The following KSR2 variants were observed in gnomAD, a reference collection of about 807,000 sequenced individuals.
KSR2 encodes kinase suppressor of ras 2.
In KSR2, 25 loss-of-function variants were observed where a neutral mutation model predicts 107.8. The observed-to-expected ratio is 0.23, with a 90% confidence interval of 0.17 to 0.32. KSR2 has a LOEUF of 0.32. KSR2 is among the 10% of genes least tolerant of loss of function. The pLI, the probability that KSR2 is intolerant of heterozygous loss-of-function variation, is 1.00. For missense variants in KSR2, 887 were observed against 1,268.9 expected (o/e 0.70, Z 4.57); for synonymous variants, 480 against 507.0 (o/e 0.95, Z 0.71).
At chr12:117,836,809 A>G (rs756488200) in intron 3 of KSR2, among the ~76,000 whole-genome samples, 7 of 152,196 alleles carry the variant, frequency 4.6e-5, no homozygotes, top group Admixed American at 1.3e-4. Context: ...TTCTCATCGT[A>G]GCCATTCTTT....
chr12:117,730,813 A>T (rs1246767364), intron 4 of KSR2, among the ~76,000 whole-genome samples: 1 of 152,106 alleles, frequency 6.6e-6, no homozygotes, highest in Non-Finnish European at 1.5e-5. Flanking sequence ...CTCAGTGCTC[A>T]ATGTTGCCCA....
chr12:117,718,658 T>C (rs1056006327), intron 4 of KSR2, among the ~76,000 whole-genome samples: 9 of 152,200 alleles, frequency 5.9e-5, no homozygotes, highest in Admixed American at 5.9e-4. Context: ...TTTTGTCCTC[T>C]AAGCCAGGCA....
intron 4 of KSR2, among the ~76,000 whole-genome samples, chr12:117,672,750 A>C (rs973708314): frequency 6.6e-6 from 1 of 151,962 alleles, no homozygotes; most frequent in African/African-American, 2.4e-5. Context: ...TCAGCCTCCC[A>C]AGTAGCTGGG....
intron 1 of KSR2, among the ~76,000 whole-genome samples, chr12:117,911,040 C>A (rs1894994049): frequency 6.6e-6 from 1 of 152,136 alleles, no homozygotes; most frequent in African/African-American, 2.4e-5. Context: ...TGATGAACTT[C>A]TATGCATCCT....
At chr12:117,658,204 T>C (rs1047465726) in intron 5 of KSR2, among the ~76,000 whole-genome samples, 9 of 152,240 alleles carry the variant, frequency 5.9e-5, no homozygotes, top group Non-Finnish European at 1.0e-4. Context: ...ATCTGGGCTG[T>C]AGACTATGAA....
intron 5 of KSR2, among the ~76,000 whole-genome samples, chr12:117,607,654 A>AGGAGAGGAGAGGAGAGGAGAGGAG (rs1881350370): frequency 8.5e-6 from 1 of 118,074 alleles, no homozygotes; most frequent in Admixed American, 8.1e-5. Flanking sequence ...GAGGGGAGGA[A>AGGAGAGGAGAGGAGAGGAGAGGAG]AGGAGAGGAG....
intron 3 of KSR2, among the ~76,000 whole-genome samples, chr12:117,807,151 G>A (rs188219373): frequency 1.3e-5 from 2 of 152,254 alleles, no homozygotes; most frequent in East Asian, 3.9e-4. Flanking sequence ...GCTGAGCAGT[G>A]AGACAGCCTC....
chr12:117,753,314 G>A (rs1888673112), intron 4 of KSR2, among the ~76,000 whole-genome samples: 1 of 152,136 alleles, frequency 6.6e-6, no homozygotes, highest in Admixed American at 6.5e-5. Context: ...TCCTTGTGAA[G>A]GAGAGGCATA....
chr12:117,918,368 A>C, intron 1 of KSR2, among the ~76,000 whole-genome samples: 1 of 152,218 alleles, frequency 6.6e-6, no homozygotes, highest in Non-Finnish European at 1.5e-5. Flanking sequence ...ATATGGCCCC[A>C]GTCTTGATAG....
rs928938857 is a variant in KSR2, at chr12:117,852,851, C to G, written c.472+2577G>C. Among the ~76,000 whole-genome samples, 5 of 152,046 alleles carry G rather than the reference C, an allele frequency of 3.3e-5. No homozygotes were observed. The South Asian group carries it at 6.2e-4, about 19-fold the overall frequency. ...TGGAGTCTCGCTGTCACCCAGGCTG[C>G]AGTGCAGTGGCACAATCTCAGCTCA... is the stretch of plus-strand genomic sequence containing the variant. On this transcript the variant is annotated intron_variant, in intron 3 of 19. Coordinates refer to ENST00000339824, the MANE Select transcript of KSR2 (RefSeq NM_173598.6).
At chr12:117,936,527 TTATTATTAG>T (rs1287761525) in intron 1 of KSR2, among the ~76,000 whole-genome samples, 3,788 of 119,396 alleles carry the variant, frequency 0.032, 51 homozygotes, top group Non-Finnish European at 0.037. Flanking sequence ...ATTATTATTA[TTATTATTAG>T]TAGTAGTAGT....
At chr12:117,680,314 A>G (rs959215725) in intron 4 of KSR2, among the ~76,000 whole-genome samples, 1 of 152,216 alleles carries the variant, frequency 6.6e-6, no homozygotes, top group African/African-American at 2.4e-5. Context: ...TAACATTTTA[A>G]TTAAAGCAAG....
At position 117,673,123 on chromosome 12, in the gene KSR2, T is replaced by A. The variant is rs1884982129; in HGVS notation, c.987-5465A>T. ...CAGCACAAGTTTAGCAGGAGCTCAATGACCTCAGAGTCAATCTGTTTTACC... is the reference window on the plus strand; with the variant it reads ...CAGCACAAGTTTAGCAGGAGCTCAAAGACCTCAGAGTCAATCTGTTTTACC... On this transcript the variant is annotated intron_variant, in intron 4 of 19. Transcript: ENST00000339824. Among the ~76,000 whole-genome samples, 3 of 152,192 alleles carry A rather than the reference T, an allele frequency of 2.0e-5. No homozygotes were observed. The South Asian group carries it at 6.2e-4, about 31-fold the overall frequency.
In KSR2 at chr12:117,754,922, G is replaced by C. The variant is rs1397284729; in HGVS notation, c.986+6089C>G. Among the ~76,000 whole-genome samples the C allele has an allele frequency of 2.0e-5, 3 of 152,232 alleles. No individual in the cohort carries two copies. In the East Asian group the frequency reaches 5.8e-4, roughly 29 times the overall value. Reference sequence around the variant, plus strand: ...GAAAGCTTTGGAACCTGTTCACAAAGATCTGTGACTGTTGAAACTCAGATT... The same window carrying C: ...GAAAGCTTTGGAACCTGTTCACAAACATCTGTGACTGTTGAAACTCAGATT... On this transcript the variant is annotated intron_variant, in intron 4 of 19. Coordinates refer to ENST00000339824, the MANE Select transcript of KSR2 (RefSeq NM_173598.6).
chr12:117,467,094 C>G lies in KSR2; in HGVS notation c.*105G>C, dbSNP rs977882630. On this transcript the variant is annotated 3_prime_UTR_variant, in exon 20 of 20. Transcript: ENST00000339824. ...GCTCCCAGGTCGGTCGGGGTTGGTACCCTCTGATGCTGAGTCTCTGGCCTC... is the reference window on the plus strand; with the variant it reads ...GCTCCCAGGTCGGTCGGGGTTGGTAGCCTCTGATGCTGAGTCTCTGGCCTC... 1 of 531,560 alleles carries G rather than the reference C, an allele frequency of 1.9e-6. No individual in the cohort carries two copies. The highest frequency in any genetic ancestry group is 3.4e-6 in the Non-Finnish European group (1 of 292,500). The allele number at this position is 531,560 out of a possible 1,614,324, so 32.9% of individuals were successfully genotyped here.
At chr12:117,706,077 T>G (rs1334578281) in intron 4 of KSR2, among the ~76,000 whole-genome samples, 1 of 144,854 alleles carries the variant, frequency 6.9e-6, no homozygotes, top group Non-Finnish European at 1.5e-5. Context: ...GGAGTCCTGC[T>G]CTGTCGCCCA....
intron 1 of KSR2, among the ~76,000 whole-genome samples, chr12:117,944,805 G>C (rs1375432570): frequency 6.6e-6 from 1 of 150,788 alleles, no homozygotes; most frequent in Non-Finnish European, 1.5e-5. Flanking sequence ...ATGCAGTGAG[G>C]TATGATCTCG....
chr12:117,569,295 C>T (rs1396320801), intron 7 of KSR2, among the ~76,000 whole-genome samples: 1 of 152,074 alleles, frequency 6.6e-6, no homozygotes, highest in African/African-American at 2.4e-5. Context: ...TGTACAAACC[C>T]AAGTGAAAAG....
Position 117,968,029 on chromosome 12 carries a change from CTTTTTTTTTTTTT to C in KSR2, c.180+34_180+46del, listed in dbSNP as rs34834989. The stretch of plus-strand genomic sequence containing the variant: ...AGAAAGGAGGGGGAAAGAAGGATTG[CTTTTTTTTTTTTT>C]TTTTTTTTTTTTTTTCCCGTAGGCA... On this transcript the variant is annotated intron_variant, in intron 1 of 19. Coordinates refer to ENST00000339824, the MANE Select transcript of KSR2 (RefSeq NM_173598.6). 5.3e-3 allele frequency: 3,601 copies of C among 678,042 alleles called. 37 individuals carry two copies. Among genetic ancestry groups the C allele is most frequent in the East Asian group, 0.014 (379 of 27,010 alleles). 42.0% of individuals were successfully genotyped at this position (678,042 alleles called of 1,614,324 possible). A position where few individuals can be genotyped will look rare whatever the true frequency, so the allele number is the denominator to read the frequency against.
Sources: allele counts gnomAD v4.1 joint callset (sites outside exome capture counted in the v4.1 genomes callset), GRCh38; gene constraint gnomAD v4.1.1; transcripts MANE v1.5; gene names NCBI Gene and HGNC (gene_info 2026-07-23, HGNC 2026-07-21).